The following CFAP206 variants were observed in gnomAD, a reference collection of about 807,000 sequenced individuals.
CFAP206 encodes the protein cilia and flagella associated protein 206.
In CFAP206, 53 loss-of-function variants were observed where a neutral mutation model predicts 65.4. The observed-to-expected ratio is 0.81, with a 90% confidence interval of 0.65 to 1.02. The LOEUF (loss-of-function observed/expected upper bound fraction) is 1.02, where lower values mean the gene tolerates loss of function less well. CFAP206 is among the 50% of genes least tolerant of loss of function. CFAP206 has a pLI of 0.00. For synonymous variants in CFAP206, 250 were observed against 254.4 expected (o/e 0.98, Z 0.17); for missense variants, 663 against 753.2 (o/e 0.88, Z 1.40).
Position 87,432,540 on chromosome 6 carries a change from G to A in CFAP206, c.1300+1367G>A, listed in dbSNP as rs141862686. On this transcript the variant is annotated intron_variant, in intron 10 of 12. Transcript: ENST00000369562. ...GGGAAAGGAGAAACACGGATGTGGG[G>A]TGATGGCAGAGGAAGCAATGATATG... 5.3e-4 allele frequency among the ~76,000 whole-genome samples: 65 copies of A among 121,844 alleles called. 1 individual carries two copies. The highest frequency in any genetic ancestry group is 7.2e-4 in the Non-Finnish European group (42 of 57,998). 79.9% of individuals were successfully genotyped at this position (121,844 alleles called of 152,430 possible).
chr6:87,428,864 T>C, intron 9 of CFAP206, 40 bp downstream of exon 9: 1 of 1,539,336 alleles, frequency 6.5e-7, no homozygotes, highest in Non-Finnish European at 9.0e-7. Context: ...CTTTTTAAAA[T>C]TACCTCTAGA....
Position 87,426,604 on chromosome 6 carries a change from A to G in CFAP206, c.919A>G (p.Thr307Ala). The G allele has an allele frequency of 6.3e-7, 1 of 1,598,032 alleles. No homozygotes were observed. Among genetic ancestry groups the G allele is most frequent in the Non-Finnish European group, 8.5e-7 (1 of 1,171,770 alleles). Residue 307 changes from threonine to alanine, a missense_variant, in exon 8 of 13, where the codon ACC (threonine) becomes GCC (alanine). By Grantham distance (58) the Thr-to-Ala change is moderately conservative. Coordinates refer to ENST00000369562, the MANE Select transcript of CFAP206 (RefSeq NM_001031743.3). ...AGCCCATCTGGAACAACTAAAAATG[A>G]CCATAAAATCAAAGATAGCGGTCCC... ...LGAHLEQLKM[T>A]IKSKIAVPTS...
intron 11 of CFAP206, among the ~76,000 whole-genome samples, chr6:87,451,118 G>A (rs1160121560): frequency 6.6e-6 from 1 of 152,154 alleles, no homozygotes; most frequent in Non-Finnish European, 1.5e-5. Context: ...GGCAGTCTAG[G>A]CCACACAGAC....
intron 3 of CFAP206, among the ~76,000 whole-genome samples, chr6:87,412,203 C>T (rs933672236): frequency 1.3e-5 from 2 of 152,166 alleles, no homozygotes; most frequent in Admixed American, 1.3e-4. Flanking sequence ...AACTAAAAAT[C>T]ATGTGGATGA....
chr6:87,457,518 T>G (rs1425104402), intron 11 of CFAP206, among the ~76,000 whole-genome samples: 1 of 152,072 alleles, frequency 6.6e-6, no homozygotes, highest in Non-Finnish European at 1.5e-5. Context: ...AATCCATACA[T>G]CTACTGTGAA....
chr6:87,428,665 C>G lies in CFAP206; in HGVS notation c.1000C>G (p.Gln334Glu), dbSNP rs1208113942. 2 of 1,614,116 alleles carry G rather than the reference C, an allele frequency of 1.2e-6. No individual in the cohort carries two copies. The highest frequency in any genetic ancestry group is 4.5e-5 in the East Asian group (2 of 44,874). ...ACTTTCTACTCTGTGGACCAGCTTG[C>G]AAGACGAAACTATTGTGGTTGGTGT... ...IALSTLWTSL[Q>E]DETIVVGVLS... The change falls in exon 9 of 13, where the codon CAA becomes GAA. Residue 334 changes from glutamine (Q) to glutamate (E), a missense_variant. Physicochemically the swap from Gln to Glu is conservative, Grantham distance 29 (BLOSUM62 2). Transcript: ENST00000369562.
At position 87,464,026 on chromosome 6, in the gene CFAP206, T is replaced by A; in HGVS notation, c.1645T>A (p.Leu549Met). Reference sequence around the variant, plus strand: ...GTATTCTCTTTCTCTTTAGGCTAATTTGCGCCAGAAAGTTACTCACTCAGT... The same window carrying A: ...GTATTCTCTTTCTCTTTAGGCTAATATGCGCCAGAAAGTTACTCACTCAGT... ...LRRKAIKLAN[L>M]RQKVTHSVQT... The change falls in exon 13 of 13, where the codon TTG becomes ATG. Residue 549 changes from leucine to methionine, a missense_variant. Coordinates refer to ENST00000369562, the MANE Select transcript of CFAP206 (RefSeq NM_001031743.3). The A allele has an allele frequency of 6.2e-7, 1 of 1,609,316 alleles. No individual in the cohort carries two copies. The highest frequency in any genetic ancestry group is 8.5e-7 in the Non-Finnish European group (1 of 1,176,562).
At chr6:87,415,504 T>C (rs1767809565) in intron 4 of CFAP206, 182 bp from the exon 5 acceptor site, 2 of 675,722 alleles carry the variant, frequency 3.0e-6, no homozygotes, top group Admixed American at 2.0e-5. Flanking sequence ...AAATCTTCCC[T>C]CCTGGATTTT....
chr6:87,428,529 T>A (rs1768093335), intron 8 of CFAP206, 97 bp from the exon 9 acceptor site: 1 of 1,199,782 alleles, frequency 8.3e-7, no homozygotes, highest in Non-Finnish European at 1.2e-6. Context: ...GAGAATTAAC[T>A]TCTTTACAAA....
chr6:87,433,286 T>G lies in CFAP206; in HGVS notation c.1301-1574T>G, dbSNP rs554920490. Among the ~76,000 whole-genome samples the G allele has an allele frequency of 2.6e-5, 4 of 152,350 alleles. No homozygotes were observed. In the South Asian group the frequency reaches 8.3e-4, roughly 32 times the overall value. On this transcript the variant is annotated intron_variant, in intron 10 of 12. Coordinates refer to ENST00000369562, the MANE Select transcript of CFAP206 (RefSeq NM_001031743.3). ...ATGTCACTCTGTGACCTATGATATA[T>G]TTGTGATTTTTTGAGAGCAGGGAAT...
chr6:87,414,487 G>A (rs1002693737), intron 4 of CFAP206, among the ~76,000 whole-genome samples: 36 of 152,008 alleles, frequency 2.4e-4, no homozygotes, highest in Admixed American at 5.2e-4. Context: ...TAGTAGAGAC[G>A]GGATTTCACC....
At chr6:87,443,468 T>G (rs1476871766) in intron 11 of CFAP206, among the ~76,000 whole-genome samples, 1 of 152,162 alleles carries the variant, frequency 6.6e-6, no homozygotes, top group Non-Finnish European at 1.5e-5. Flanking sequence ...ATCTTTATTA[T>G]TTTCCTTTAT....
intron 11 of CFAP206, among the ~76,000 whole-genome samples, chr6:87,450,378 C>T (rs150531470): frequency 3.3e-5 from 5 of 151,384 alleles, no homozygotes; most frequent in East Asian, 3.9e-4. Flanking sequence ...ATAGGGATTG[C>T]GTTGAATTTG....
chr6:87,447,163 A>G (rs115528699), intron 11 of CFAP206, among the ~76,000 whole-genome samples: 13,882 of 152,100 alleles, frequency 0.091, 699 homozygotes, highest in East Asian at 0.12. Context: ...CTTCTTCTCT[A>G]TTTGAATATC....
chr6:87,416,122 A>T (rs1767826925), intron 5 of CFAP206, among the ~76,000 whole-genome samples: 1 of 152,162 alleles, frequency 6.6e-6, no homozygotes. Flanking sequence ...ATATCTAGGC[A>T]CCTATTACAC....
rs1767869718 is a variant in CFAP206 at position 87,418,272 on chromosome 6, T to C, written c.696T>C (p.Thr232=). The change falls in exon 7 of 13, where the codon ACT becomes ACC. Residue 232 remains threonine (T), a synonymous_variant. Transcript: ENST00000369562. ...TMQHIDYQLE[T]ARSQVYRYTA... Reference sequence around the variant, plus strand: ...AGCATATTGATTACCAGCTTGAGACTGCCCGGAGCCAGGTATACCGCTACA... The same window carrying C: ...AGCATATTGATTACCAGCTTGAGACCGCCCGGAGCCAGGTATACCGCTACA... 1.2e-6 allele frequency: 2 copies of C among 1,614,062 alleles called. No homozygotes were observed. Among genetic ancestry groups the C allele is most frequent in the Admixed American group, 1.7e-5 (1 of 60,002 alleles).
chr6:87,463,651 C>G (rs1244879450), intron 12 of CFAP206, among the ~76,000 whole-genome samples: 1 of 152,004 alleles, frequency 6.6e-6, no homozygotes, highest in Non-Finnish European at 1.5e-5. Context: ...CTGTATAAAT[C>G]TTATATTTTT....
chr6:87,429,708 G>C (rs1266501401), intron 9 of CFAP206, among the ~76,000 whole-genome samples: 1 of 152,072 alleles, frequency 6.6e-6, no homozygotes, highest in Non-Finnish European at 1.5e-5. Context: ...TTGAGATGTT[G>C]ATGTTGCATA....
chr6:87,457,338 C>G (rs945720112), intron 11 of CFAP206, among the ~76,000 whole-genome samples: 6 of 151,980 alleles, frequency 3.9e-5, no homozygotes, highest in African/African-American at 1.5e-4. Flanking sequence ...TATGGAACCA[C>G]AAAAGACCCT....
Sources: allele counts gnomAD v4.1 joint callset (sites outside exome capture counted in the v4.1 genomes callset), GRCh38; gene constraint gnomAD v4.1.1; transcripts MANE v1.5; gene names NCBI Gene and HGNC (gene_info 2026-07-23, HGNC 2026-07-21).